The following ATP2B1 variants were observed in gnomAD, a reference collection of about 807,000 sequenced individuals.
ATP2B1 encodes plasma membrane calcium-transporting ATPase 1.
ATP2B1 carries 14 observed loss-of-function variants against 124.2 expected under a neutral mutation model. The observed-to-expected ratio is 0.11, with a 90% confidence interval of 0.07 to 0.18. The LOEUF is 0.18. ATP2B1 is among the 10% of genes least tolerant of loss of function. The probability of loss-of-function intolerance (pLI) is 1.00; values close to 1 mark genes in which losing one functional copy is unlikely to be tolerated. For synonymous variants in ATP2B1, 449 were observed against 492.4 expected, an observed-to-expected ratio of 0.91 and a Z score of 1.17; for missense variants, 763 against 1,466.1, an observed-to-expected ratio of 0.52 and a Z score of 7.83.
intron 15 of ATP2B1, among the ~76,000 whole-genome samples, chr12:89,604,845 CCAA>C (rs1459250963): frequency 7.1e-6 from 1 of 140,196 alleles, no homozygotes; most frequent in Non-Finnish European, 1.6e-5. Flanking sequence ...CCCTTTCCCC[CCAA>C]CAACAGAACC....
intron 2 of ATP2B1, 74 bp downstream of exon 2, chr12:89,655,605 A>G (rs559122210): frequency 1.3e-4 from 174 of 1,372,810 alleles, no homozygotes; most frequent in Middle Eastern, 2.0e-4. Flanking sequence ...AGATAATATA[A>G]GCATGCTCAT....
chr12:89,657,367 T>C (rs1431773832), intron 1 of ATP2B1, among the ~76,000 whole-genome samples: 1 of 152,228 alleles, frequency 6.6e-6, no homozygotes, highest in African/African-American at 2.4e-5. Flanking sequence ...CTACATTTAG[T>C]TTTTGAAATA....
chr12:89,663,024 A>AG (rs929560297), intron 1 of ATP2B1, among the ~76,000 whole-genome samples: 2 of 152,220 alleles, frequency 1.3e-5, no homozygotes, highest in African/African-American at 4.8e-5. Context: ...AACTCATGGG[A>AG]GAATCTGTGC....
intron 1 of ATP2B1, among the ~76,000 whole-genome samples, chr12:89,702,021 C>A (rs1891917550): frequency 6.6e-6 from 1 of 152,144 alleles, no homozygotes; most frequent in African/African-American, 2.4e-5. Flanking sequence ...TGAACAGCAT[C>A]CCCTGGAGTT....
At chr12:89,619,581 A>C (rs1879608168) in intron 11 of ATP2B1, among the ~76,000 whole-genome samples, 1 of 150,736 alleles carries the variant, frequency 6.6e-6, no homozygotes, top group Non-Finnish European at 1.5e-5. Context: ...ACTGCACTCC[A>C]GCCTGGGTGA....
chr12:89,680,967 C>T (rs1242554649), intron 1 of ATP2B1, among the ~76,000 whole-genome samples: 1 of 152,076 alleles, frequency 6.6e-6, no homozygotes, highest in African/African-American at 2.4e-5. Flanking sequence ...ATTAAGTATA[C>T]AAAAAGAGAA....
intron 1 of ATP2B1, among the ~76,000 whole-genome samples, chr12:89,705,769 T>C (rs898117730): frequency 2.6e-5 from 4 of 151,748 alleles, no homozygotes; most frequent in African/African-American, 7.3e-5. Context: ...AGAGAACACA[T>C]AGCAGTAAGG....
rs1292979305 is a variant in ATP2B1 at position 89,676,848 on chromosome 12, C to T, written c.-221-20741G>A. ...AATTCTCATTGTTAAAAGAATAATT[C>T]CCAAATTTATAAAGCAGACTTTTTA... On this transcript the variant is annotated intron_variant, in intron 1 of 20. Coordinates refer to ENST00000428670, the MANE Select transcript of ATP2B1 (RefSeq NM_001366521.1). Among the ~76,000 whole-genome samples, 3 of 152,016 alleles carry T rather than the reference C, an allele frequency of 2.0e-5. No individual in the cohort carries two copies. The East Asian group carries it at 5.8e-4, about 29-fold the overall frequency.
intron 2 of ATP2B1, among the ~76,000 whole-genome samples, chr12:89,651,348 G>GGCGATCCTCCCACACTCAA (rs369874967): frequency 5.9e-5 from 9 of 152,108 alleles, no homozygotes; most frequent in Admixed American, 1.3e-4. Flanking sequence ...CCTTGACTCA[G>GGCGATCCTCCCACACTCAA]GCGATCCTCC....
chr12:89,658,643 GAGAGATAGAGAT>G (rs1230833348), intron 1 of ATP2B1, among the ~76,000 whole-genome samples: 8 of 142,786 alleles, frequency 5.6e-5, no homozygotes, highest in African/African-American at 2.1e-4. Flanking sequence ...GAGAGAGAGA[GAGAGATAGAGAT>G]AGCATGTGGC....
Position 89,671,156 on chromosome 12 carries a change from C to G in ATP2B1, c.-221-15049G>C, listed in dbSNP as rs973469179. Among the ~76,000 whole-genome samples, 40 of 151,962 alleles carry G rather than the reference C, an allele frequency of 2.6e-4. 1 individual carries two copies. Among genetic ancestry groups the G allele is most frequent in the Admixed American group, 4.6e-4 (7 of 15,264 alleles). ...GCTCAACCTAATAAAATGGATTGAGCAGAACATTCAAAATGGGCAACCTAA... is the reference window on the plus strand; with the variant it reads ...GCTCAACCTAATAAAATGGATTGAGGAGAACATTCAAAATGGGCAACCTAA... On this transcript the variant is annotated intron_variant, in intron 1 of 20. Coordinates refer to ENST00000428670, the MANE Select transcript of ATP2B1 (RefSeq NM_001366521.1).
intron 1 of ATP2B1, among the ~76,000 whole-genome samples, chr12:89,663,338 G>A (rs1340958122): frequency 3.3e-5 from 5 of 152,100 alleles, no homozygotes; most frequent in Admixed American, 2.6e-4. Flanking sequence ...GGAATTACAC[G>A]CCTGCTACAT....
chr12:89,675,859 C>T (rs972408116), intron 1 of ATP2B1, among the ~76,000 whole-genome samples: 1 of 151,982 alleles, frequency 6.6e-6, no homozygotes, highest in Non-Finnish European at 1.5e-5. Flanking sequence ...TCCTGACGAG[C>T]CAGGAGTTAT....
chr12:89,617,214 A>G (rs1223772291), intron 11 of ATP2B1, among the ~76,000 whole-genome samples, 175 bp from the exon 12 acceptor site: 8 of 152,232 alleles, frequency 5.3e-5, no homozygotes, highest in Non-Finnish European at 1.2e-4. Flanking sequence ...TTTACAAAAC[A>G]GAACTAATAT....
At chr12:89,698,895 G>C (rs575524923) in intron 1 of ATP2B1, among the ~76,000 whole-genome samples, 145 of 152,294 alleles carry the variant, frequency 9.5e-4, no homozygotes, top group African/African-American at 3.2e-3. Flanking sequence ...TAAACACTCG[G>C]TTTTGAGTGT....
At chr12:89,604,372 G>T in intron 15 of ATP2B1, 26 bp from the exon 16 acceptor site, 1 of 1,550,170 alleles carries the variant, frequency 6.5e-7, no homozygotes, top group Non-Finnish European at 8.7e-7. Context: ...TTGTGAATTA[G>T]ACTAAATGTT....
At chr12:89,700,020 T>TC (rs1188365501) in intron 1 of ATP2B1, among the ~76,000 whole-genome samples, 1 of 150,908 alleles carries the variant, frequency 6.6e-6, no homozygotes, top group East Asian at 1.9e-4. Context: ...AAATTTTTTT[T>TC]TTTTTTTTTT....
chr12:89,599,357 C>A (rs1366449238), intron 19 of ATP2B1, 58 bp from the exon 20 acceptor site: 1 of 1,551,752 alleles, frequency 6.4e-7, no homozygotes, highest in East Asian at 2.2e-5. Context: ...GTAAGCTGAT[C>A]AACTGTAATA....
At chr12:89,643,263 CAT>C (rs149160293) in intron 2 of ATP2B1, among the ~76,000 whole-genome samples, 27 of 150,636 alleles carry the variant, frequency 1.8e-4, no homozygotes, top group African/African-American at 4.9e-4. Context: ...CACATATACA[CAT>C]ATATATATAT....
Sources: allele counts gnomAD v4.1 joint callset (sites outside exome capture counted in the v4.1 genomes callset), GRCh38; gene constraint gnomAD v4.1.1; transcripts MANE v1.5; gene names NCBI Gene and HGNC (gene_info 2026-07-23, HGNC 2026-07-21).